BRD1: variants seen among roughly 807,000 people sequenced by gnomAD.
BRD1 encodes the protein bromodomain-containing protein 1.
A neutral mutation model predicts 107.7 loss-of-function variants in BRD1; 24 were observed. The observed-to-expected ratio is 0.22, with a 90% confidence interval of 0.16 to 0.31. The LOEUF (loss-of-function observed/expected upper bound fraction) is 0.31, where lower values mean the gene tolerates loss of function less well. Ranked by LOEUF, BRD1 falls within the 10% of genes least tolerant of loss-of-function variation. The pLI is 1.00. For missense variants in BRD1, 1,279 were observed against 1,638.6 expected (o/e 0.78, Z 3.79); for synonymous variants, 744 against 686.1 (o/e 1.08, Z -1.32).
chr22:49,812,787 A>G (rs1323315184), intron 2 of BRD1, among the ~76,000 whole-genome samples: 2 of 151,984 alleles, frequency 1.3e-5, no homozygotes, highest in Non-Finnish European at 2.9e-5. Flanking sequence ...CGCCAGGACC[A>G]TTCTGGAGAC....
chr22:49,816,208 C>T (rs891897535), intron 2 of BRD1, among the ~76,000 whole-genome samples: 1 of 152,200 alleles, frequency 6.6e-6, no homozygotes, highest in Non-Finnish European at 1.5e-5. Context: ...AAGGGGGCCG[C>T]GGCCGGTGGC....
intron 7 of BRD1, among the ~76,000 whole-genome samples, chr22:49,791,812 C>T (rs943277140): frequency 1.2e-4 from 18 of 152,132 alleles, no homozygotes; most frequent in African/African-American, 4.3e-4. Flanking sequence ...AGGCCACTTG[C>T]TTCTCCACCC....
chr22:49,775,772 A>G, intron 11 of BRD1, 27 bp from the exon 12 acceptor site: 1 of 1,555,706 alleles, frequency 6.4e-7, no homozygotes, highest in Non-Finnish European at 8.7e-7. Flanking sequence ...CGCTGAGGTC[A>G]TTGTGAGGCT....
At chr22:49,785,277 G>A (rs1191156576) in intron 8 of BRD1, among the ~76,000 whole-genome samples, 2 of 152,252 alleles carry the variant, frequency 1.3e-5, no homozygotes, top group South Asian at 2.1e-4. Flanking sequence ...AAACCACCAC[G>A]TGAGCATCCT....
intron 2 of BRD1, chr22:49,807,041 G>A (rs984462471): frequency 4.0e-5 from 6 of 150,256 alleles, no homozygotes; most frequent in Admixed American, 3.3e-4. Flanking sequence ...AAAGAACCCC[G>A]GAAATGAGGG....
rs1446822205 is a variant in BRD1 at position 49,777,200 on chromosome 22, CCT to C, written c.2994-41_2994-40del. The stretch of plus-strand genomic sequence containing the variant: ...AGCAGAGGGAGTCAGGCGCCCCGCC[CCT>C]GCCTTCAGCCTCACTCGGGCTTCGT... On this transcript the variant is annotated intron_variant, in intron 9 of 12. Transcript: ENST00000404760. 9 of 1,605,288 alleles carry C rather than the reference CCT, an allele frequency of 5.6e-6. No homozygotes were observed. In the Admixed American group the frequency reaches 1.2e-4, roughly 21 times the overall value.
rs150888913 is a variant in BRD1 at position 49,797,636 on chromosome 22, T to C, written c.2098+169A>G. Among the ~76,000 whole-genome samples the C allele has an allele frequency of 3.5e-3, 534 of 152,374 alleles. 2 individuals are homozygous for C. The highest frequency in any genetic ancestry group is 0.012 in the African/African-American group (514 of 41,590). On this transcript the variant is annotated intron_variant, in intron 6 of 12. Coordinates refer to ENST00000404760, the MANE Select transcript of BRD1 (RefSeq NM_001304808.3). ...ACATATTATTAAAGTAAATTCCACCTGCTTCTTTTCCATTTTTCAGTGAGG... is the reference window on the plus strand; with the variant it reads ...ACATATTATTAAAGTAAATTCCACCCGCTTCTTTTCCATTTTTCAGTGAGG...
intron 8 of BRD1, 89 bp downstream of exon 8, chr22:49,787,301 C>CG (rs1555904818): frequency 2.2e-5 from 11 of 500,722 alleles, no homozygotes; most frequent in East Asian, 1.7e-4. Flanking sequence ...AGCTGGACAC[C>CG]CCCCCCCCCC....
chr22:49,826,800 C>T (rs984955886), intron 1 of BRD1, among the ~76,000 whole-genome samples: 1 of 152,200 alleles, frequency 6.6e-6, no homozygotes, highest in East Asian at 1.9e-4. Context: ...TCTGGGGAGA[C>T]GGGGCCGCAC....
chr22:49,795,677 G>A (rs773786541), intron 6 of BRD1, among the ~76,000 whole-genome samples: 5 of 152,246 alleles, frequency 3.3e-5, no homozygotes, highest in East Asian at 3.8e-4. Context: ...ACCAGCGTAC[G>A]TCCTGAGCAG....
At chr22:49,826,670 G>C (rs1318661675) in intron 1 of BRD1, among the ~76,000 whole-genome samples, 1 of 152,218 alleles carries the variant, frequency 6.6e-6, no homozygotes, top group Non-Finnish European at 1.5e-5. Context: ...GCGAAGTTGT[G>C]TGCAGCACAC....
At chr22:49,795,568 G>C (rs2059514693) in intron 6 of BRD1, among the ~76,000 whole-genome samples, 1 of 152,250 alleles carries the variant, frequency 6.6e-6, no homozygotes, top group Non-Finnish European at 1.5e-5. Context: ...TGATGTGGGG[G>C]AGCACAGGAG....
chr22:49,823,586 C>T lies in BRD1; in HGVS notation c.732G>A (p.Glu244=). The T allele has an allele frequency of 6.2e-7, 1 of 1,607,418 alleles. No individual in the cohort carries two copies. Among genetic ancestry groups the T allele is most frequent in the Non-Finnish European group, 8.5e-7 (1 of 1,176,102 alleles). ...CDMCNLAVHQ[E]CYGVPYIPEG... Reference sequence around the variant, plus strand: ...CGGGGATGTAGGGCACCCCGTAGCACTCCTGGTGCACGGCCAGGTTGCACA... The same window carrying T: ...CGGGGATGTAGGGCACCCCGTAGCATTCCTGGTGCACGGCCAGGTTGCACA... The change falls in exon 2 of 13, where the codon GAG becomes GAA. Residue 244 remains glutamate (E), a synonymous_variant. Transcript: ENST00000404760.
chr22:49,778,127 C>A (rs755578803), intron 8 of BRD1, among the ~76,000 whole-genome samples: 1 of 152,196 alleles, frequency 6.6e-6, no homozygotes, highest in Non-Finnish European at 1.5e-5. Context: ...GAAAGGATGC[C>A]GTGAGCCTGC....
At chr22:49,799,264 C>G (rs2059595271) in intron 3 of BRD1, 145 bp from the exon 4 acceptor site, 1 of 1,033,934 alleles carries the variant, frequency 9.7e-7, no homozygotes, top group Non-Finnish European at 1.4e-6. Flanking sequence ...ACCACCCTCA[C>G]TAGAGAGCCC....
intron 2 of BRD1, 38 bp downstream of exon 2, chr22:49,822,913 G>A: frequency 6.2e-7 from 1 of 1,602,922 alleles, no homozygotes; most frequent in Non-Finnish European, 8.5e-7. Flanking sequence ...GTCCCACACT[G>A]CAGGCTCCTT....
chr22:49,777,189 G>T, intron 9 of BRD1, 28 bp from the exon 10 acceptor site: 1 of 1,608,424 alleles, frequency 6.2e-7, no homozygotes. Context: ...GAGGGAGTCA[G>T]GCGCCCCGCC....
intron 8 of BRD1, among the ~76,000 whole-genome samples, chr22:49,778,754 C>T (rs934759274): frequency 3.1e-4 from 47 of 152,272 alleles, no homozygotes; most frequent in African/African-American, 8.2e-4. Context: ...CTCCACCTCC[C>T]GGGTTCACGC....
At chr22:49,826,282 G>A in intron 1 of BRD1, 1 of 984,588 alleles carries the variant, frequency 1.0e-6, no homozygotes, top group Non-Finnish European at 1.2e-6. Context: ...TTTCTACAAG[G>A]GGAGAACTGA....
Sources: allele counts gnomAD v4.1 joint callset (sites outside exome capture counted in the v4.1 genomes callset), GRCh38; gene constraint gnomAD v4.1.1; transcripts MANE v1.5; gene names NCBI Gene and HGNC (gene_info 2026-07-23, HGNC 2026-07-21).